Variants in GXYLT2 observed in about 807,000 individuals in gnomAD.
GXYLT2 encodes the protein glucoside xylosyltransferase 2.
GXYLT2 carries 53 observed loss-of-function variants against 45.8 expected under a neutral mutation model. That is an observed-to-expected ratio of 1.16 (90% CI 0.93 to 1.46). The LOEUF (loss-of-function observed/expected upper bound fraction) is 1.46, where lower values mean the gene tolerates loss of function less well. GXYLT2 is among the 40% of genes most tolerant of loss of function. The pLI, the probability that GXYLT2 is intolerant of heterozygous loss-of-function variation, is 0.00. For missense variants in GXYLT2, 551 were observed against 544.4 expected (o/e 1.01, Z -0.12); for synonymous variants, 219 against 214.2 (o/e 1.02, Z -0.19).
chr3:72,948,494 A>G (rs1207806414), intron 3 of GXYLT2, among the ~76,000 whole-genome samples: 2 of 152,220 alleles, frequency 1.3e-5, no homozygotes, highest in Non-Finnish European at 2.9e-5. Context: ...TGGAAATTAA[A>G]CAAGACACTT....
chr3:72,923,670 G>T (rs1709870742), intron 3 of GXYLT2, among the ~76,000 whole-genome samples: 1 of 152,176 alleles, frequency 6.6e-6, no homozygotes, highest in Admixed American at 6.5e-5. Flanking sequence ...TGAAGCTTGA[G>T]TCTAGTAGGG....
chr3:72,903,082 ATTG>A lies in GXYLT2; in HGVS notation c.276-5278_276-5276del, dbSNP rs1341321053. Among the ~76,000 whole-genome samples the A allele has an allele frequency of 2.0e-5, 3 of 152,176 alleles. No homozygotes were observed. The East Asian group carries it at 5.8e-4, about 29-fold the overall frequency. ...TTAAAAAGCATCAAGCTGAGACTTT[ATTG>A]TTGTTGGTGTTGTTGAAAAAGCACT... On this transcript the variant is annotated intron_variant, in intron 1 of 6. Transcript: ENST00000389617.
At chr3:72,924,116 G>A (rs1709878010) in intron 3 of GXYLT2, among the ~76,000 whole-genome samples, 1 of 151,660 alleles carries the variant, frequency 6.6e-6, no homozygotes, top group African/African-American at 2.4e-5. Flanking sequence ...AATAGAAAGT[G>A]AGATGAGAAT....
chr3:72,968,563 G>A (rs1193471022), intron 6 of GXYLT2, among the ~76,000 whole-genome samples: 1 of 152,216 alleles, frequency 6.6e-6, no homozygotes, highest in Non-Finnish European at 1.5e-5. Context: ...CCCCACCAAA[G>A]GGTACAAGAT....
intron 2 of GXYLT2, among the ~76,000 whole-genome samples, chr3:72,918,082 A>G (rs1709771332): frequency 6.6e-6 from 1 of 152,168 alleles, no homozygotes; most frequent in African/African-American, 2.4e-5. Flanking sequence ...TCAATGTGCT[A>G]TTTAGAGTAG....
In GXYLT2 at chr3:72,975,013, T is replaced by C. The variant is rs746021152; in HGVS notation, c.1186T>C (p.Tyr396His). The part of the protein sequence containing the change: ...FQDNLFQSMY[Y>H]PLQLKFLETV... ...AGACAATCTCTTTCAATCCATGTATTACCCCCTTCAGCTGAAGTTTTTGGA... is the reference window on the plus strand; with the variant it reads ...AGACAATCTCTTTCAATCCATGTATCACCCCCTTCAGCTGAAGTTTTTGGA... Residue 396 changes from tyrosine (Y) to histidine (H), a missense_variant, in exon 7 of 7, where the codon TAC becomes CAC. Tyr to His is a moderately conservative substitution (Grantham distance 83, BLOSUM62 2). Transcript: ENST00000389617. The C allele has an allele frequency of 6.2e-7, 1 of 1,609,188 alleles. No homozygotes were observed. The highest frequency in any genetic ancestry group is 1.1e-5 in the South Asian group (1 of 90,332).
chr3:72,890,233 G>A (rs976096353), intron 1 of GXYLT2, among the ~76,000 whole-genome samples: 1 of 152,192 alleles, frequency 6.6e-6, no homozygotes, highest in African/African-American at 2.4e-5. Flanking sequence ...CCCTTTGACA[G>A]TGGTTCTCAA....
At position 72,908,453 on chromosome 3, in the gene GXYLT2, T is replaced by C. The variant is rs761224653; in HGVS notation, c.362T>C (p.Leu121Pro). ...GCTGTGGTGGCCTGTGGCAATCGGC[T>C]GGAGGAGACGCTGGTCATGCTCAAA... ...HLAVVACGNR[L>P]EETLVMLKSA... Residue 121 changes from leucine to proline, a missense_variant, in exon 2 of 7, where the codon CTG becomes CCG. Physicochemically the swap from Leu to Pro is moderately conservative, Grantham distance 98. Transcript: ENST00000389617. 2.5e-6 allele frequency: 4 copies of C among 1,614,002 alleles called. No homozygotes were observed. The highest frequency in any genetic ancestry group is 1.6e-4 in the Middle Eastern group (1 of 6,062).
chr3:72,907,453 C>T (rs1709534718), intron 1 of GXYLT2, among the ~76,000 whole-genome samples: 1 of 152,152 alleles, frequency 6.6e-6, no homozygotes, highest in Non-Finnish European at 1.5e-5. Flanking sequence ...ATCTTTTGTG[C>T]AAGTAAATTA....
intron 2 of GXYLT2, among the ~76,000 whole-genome samples, chr3:72,918,670 C>A (rs1348370593): frequency 1.3e-5 from 2 of 151,750 alleles, no homozygotes; most frequent in African/African-American, 4.8e-5. Context: ...ACTGAAAATA[C>A]AAAAAAATTA....
intron 3 of GXYLT2, among the ~76,000 whole-genome samples, chr3:72,933,807 T>G (rs1466783718): frequency 6.6e-6 from 1 of 152,066 alleles, no homozygotes; most frequent in Non-Finnish European, 1.5e-5. Flanking sequence ...GGGGCCGAGC[T>G]TGGAGGATCA....
At chr3:72,932,111 G>A (rs1263403275) in intron 3 of GXYLT2, among the ~76,000 whole-genome samples, 1 of 149,790 alleles carries the variant, frequency 6.7e-6, no homozygotes, top group Non-Finnish European at 1.5e-5. Flanking sequence ...GGAGTGCAAT[G>A]GCACGATCTT....
chr3:72,943,486 C>T (rs1197407059), intron 3 of GXYLT2, among the ~76,000 whole-genome samples: 1 of 151,642 alleles, frequency 6.6e-6, no homozygotes, highest in Non-Finnish European at 1.5e-5. Flanking sequence ...AAGTGATCCT[C>T]CCTCCTCAGC....
intron 3 of GXYLT2, among the ~76,000 whole-genome samples, chr3:72,928,198 T>G (rs1243663829): frequency 6.6e-6 from 1 of 152,228 alleles, no homozygotes; most frequent in Admixed American, 6.5e-5. Flanking sequence ...TGCTCCCCAG[T>G]GAAACAAGCA....
intron 1 of GXYLT2, among the ~76,000 whole-genome samples, chr3:72,893,700 A>G (rs994058659): frequency 2.0e-5 from 3 of 152,246 alleles, no homozygotes; most frequent in Admixed American, 6.5e-5. Context: ...ATTTACTTAT[A>G]GTATTAAGTT....
In GXYLT2 at chr3:72,934,046, T is replaced by C. The variant is rs576263683; in HGVS notation, c.600+11711T>C. Among the ~76,000 whole-genome samples, 4 of 151,770 alleles carry C rather than the reference T, an allele frequency of 2.6e-5. No homozygotes were observed. The South Asian group carries it at 8.3e-4, about 32-fold the overall frequency. The stretch of plus-strand genomic sequence containing the variant: ...ATTTGTATTCATTCTTTCCTAAAAC[T>C]ATACAAAAATTGATAGTTAATTTTA... On this transcript the variant is annotated intron_variant, in intron 3 of 6. Transcript: ENST00000389617.
chr3:72,918,595 C>T (rs1394589995), intron 2 of GXYLT2, among the ~76,000 whole-genome samples: 3 of 152,036 alleles, frequency 2.0e-5, no homozygotes, highest in East Asian at 1.9e-4. Context: ...GAGGATGAGG[C>T]GGGCGGATTG....
chr3:72,939,596 A>T (rs1158435638), intron 3 of GXYLT2, among the ~76,000 whole-genome samples: 2 of 152,196 alleles, frequency 1.3e-5, no homozygotes, highest in Admixed American at 1.3e-4. Context: ...TGTTGTCTGC[A>T]CACATAAAAT....
intron 6 of GXYLT2, among the ~76,000 whole-genome samples, chr3:72,973,604 C>A (rs963409372): frequency 2.6e-5 from 4 of 152,128 alleles, no homozygotes; most frequent in East Asian, 1.9e-4. Flanking sequence ...CCTGGGTGAG[C>A]AATGGGGCCA....
Sources: gnomAD v4.1 joint callset for allele counts (sites outside exome capture counted in the v4.1 genomes callset) on GRCh38, gnomAD v4.1.1 for gene constraint, MANE v1.5 for transcripts, NCBI Gene and HGNC (gene_info 2026-07-23, HGNC 2026-07-21) for gene names.